UXS1: variants seen among roughly 807,000 people sequenced by gnomAD.
The protein encoded by UXS1 is UDP-glucuronic acid decarboxylase 1.
A neutral mutation model predicts 62.6 loss-of-function variants in UXS1; 33 were observed. The ratio of observed to expected loss-of-function variants is 0.53; its 90% confidence interval spans 0.40 to 0.70. UXS1 has a LOEUF of 0.70. Among genes scored for constraint, UXS1 ranks in the 30% least tolerant of loss-of-function variants. The pLI, the probability that UXS1 is intolerant of heterozygous loss-of-function variation, is 0.00. For missense variants in UXS1, 434 were observed against 556.3 expected, an observed-to-expected ratio of 0.78 and a Z score of 2.21; for synonymous variants, 213 against 206.8, an observed-to-expected ratio of 1.03 and a Z score of -0.26.
At chr2:106,105,613 T>G (rs999829381) in intron 10 of UXS1, among the ~76,000 whole-genome samples, 15 of 152,134 alleles carry the variant, frequency 9.9e-5, no homozygotes, top group African/African-American at 3.4e-4. Flanking sequence ...TGCCCCCAAC[T>G]GTGAACTCCC....
chr2:106,163,155 C>T (rs754082679), intron 4 of UXS1, among the ~76,000 whole-genome samples: 46 of 152,242 alleles, frequency 3.0e-4, no homozygotes, highest in Non-Finnish European at 5.4e-4. Flanking sequence ...GGGTTCTCTC[C>T]GAAATCTGAC....
chr2:106,126,058 T>C (rs1009243771), intron 7 of UXS1, among the ~76,000 whole-genome samples: 26 of 152,172 alleles, frequency 1.7e-4, no homozygotes, highest in Admixed American at 1.5e-3. Flanking sequence ...ACTTCCACAA[T>C]GGTCAGCTTG....
chr2:106,154,198 T>C (rs1481654377), intron 5 of UXS1, among the ~76,000 whole-genome samples: 1 of 152,128 alleles, frequency 6.6e-6, no homozygotes, highest in Non-Finnish European at 1.5e-5. Flanking sequence ...TATAAATGTA[T>C]ATATTCAAGA....
chr2:106,146,034 T>C (rs538368179), intron 5 of UXS1, among the ~76,000 whole-genome samples: 1 of 152,300 alleles, frequency 6.6e-6, no homozygotes, highest in South Asian at 2.1e-4. Context: ...GTCTTGACGG[T>C]AACTCAGTAA....
At chr2:106,141,119 G>A (rs1681062041) in intron 6 of UXS1, among the ~76,000 whole-genome samples, 2 of 152,176 alleles carry the variant, frequency 1.3e-5, no homozygotes, top group African/African-American at 2.4e-5. Context: ...ATAAGAAGAC[G>A]ACTTGCTAAC....
chr2:106,118,301 TA>T (rs1679228347), intron 9 of UXS1, among the ~76,000 whole-genome samples: 1 of 151,886 alleles, frequency 6.6e-6, no homozygotes. Context: ...TGCCAGGAAC[TA>T]AAACAAAACC....
intron 8 of UXS1, among the ~76,000 whole-genome samples, chr2:106,124,807 T>C (rs1679794255): frequency 6.6e-6 from 1 of 152,182 alleles, no homozygotes. Flanking sequence ...ACAAAGAATA[T>C]CACTGCATTT....
At chr2:106,170,941 G>C (rs1033353391) in intron 1 of UXS1, among the ~76,000 whole-genome samples, 1 of 152,176 alleles carries the variant, frequency 6.6e-6, no homozygotes, top group Non-Finnish European at 1.5e-5. Flanking sequence ...TATTTGAACT[G>C]AATTAAACCC....
intron 1 of UXS1, among the ~76,000 whole-genome samples, chr2:106,174,552 A>G (rs1456232103): frequency 1.3e-5 from 2 of 152,222 alleles, no homozygotes; most frequent in African/African-American, 4.8e-5. Context: ...AAGATGTCTC[A>G]CAGGCAAATA....
intron 1 of UXS1, among the ~76,000 whole-genome samples, chr2:106,166,686 AGTGCAG>A (rs199595572): frequency 0.045 from 6,286 of 140,268 alleles, 160 homozygotes; most frequent in South Asian, 0.07. Flanking sequence ...AGAGTTGGAC[AGTGCAG>A]GTGAAGCTTT....
intron 1 of UXS1, among the ~76,000 whole-genome samples, chr2:106,187,865 T>A (rs771293519): frequency 1.3e-5 from 2 of 151,848 alleles, no homozygotes; most frequent in Non-Finnish European, 2.9e-5. Context: ...CTCAGCCTCC[T>A]GAGTTGCTGG....
At chr2:106,136,929 GA>G (rs796326130) in intron 6 of UXS1, among the ~76,000 whole-genome samples, 716 of 54,130 alleles carry the variant, frequency 0.013, 6 homozygotes, top group African/African-American at 0.042. Context: ...AATAAAAAAA[GA>G]AAAAAAAAAA....
At chr2:106,164,644 A>G (rs1683102295) in intron 3 of UXS1, 92 bp downstream of exon 3, 2 of 1,004,740 alleles carry the variant, frequency 2.0e-6, no homozygotes, top group Admixed American at 2.9e-5. Context: ...AACAGCATCA[A>G]GCTGCCACAA....
intron 10 of UXS1, among the ~76,000 whole-genome samples, chr2:106,110,470 T>C (rs747237391): frequency 1.3e-5 from 2 of 152,140 alleles, no homozygotes; most frequent in Non-Finnish European, 2.9e-5. Flanking sequence ...TCTCACAGCA[T>C]GAAGGAGTTT....
chr2:106,131,100 C>T (rs1161045972), intron 6 of UXS1, among the ~76,000 whole-genome samples: 1 of 148,632 alleles, frequency 6.7e-6, no homozygotes, highest in African/African-American at 2.5e-5. Flanking sequence ...CTGGGAAGCG[C>T]AAGGGGTCAG....
chr2:106,119,861 GTTTGT>G (rs892275847), intron 9 of UXS1, among the ~76,000 whole-genome samples: 2 of 152,118 alleles, frequency 1.3e-5, no homozygotes, highest in African/African-American at 2.4e-5. Context: ...ATATAGTGGT[GTTTGT>G]TTTATTTTAT....
intron 6 of UXS1, among the ~76,000 whole-genome samples, chr2:106,143,462 T>C (rs1313040434): frequency 7.6e-6 from 1 of 132,356 alleles, no homozygotes. Context: ...CAGCACTTAG[T>C]GAAATGAGGG....
chr2:106,165,648 G>A lies in UXS1; in HGVS notation c.122+408C>T, dbSNP rs1431543080. On this transcript the variant is annotated intron_variant, in intron 2 of 14. Coordinates refer to ENST00000283148, the MANE Select transcript of UXS1 (RefSeq NM_001253875.2). ...GGACTAAATAGGTGGTCTCTGCATC[G>A]ATACCCACTAGCTGGCCCCCTGAGG... Among the ~76,000 whole-genome samples the A allele has an allele frequency of 4.6e-5, 7 of 152,050 alleles. No homozygotes were observed. The South Asian group carries it at 1.5e-3, about 32-fold the overall frequency.
intron 1 of UXS1, among the ~76,000 whole-genome samples, chr2:106,173,185 G>C (rs1683670436): frequency 6.6e-6 from 1 of 152,180 alleles, no homozygotes; most frequent in African/African-American, 2.4e-5. Context: ...GACGAACATA[G>C]TATGTGCTCC....
Sources: allele counts gnomAD v4.1 joint callset (sites outside exome capture counted in the v4.1 genomes callset), GRCh38; gene constraint gnomAD v4.1.1; transcripts MANE v1.5; gene names NCBI Gene and HGNC (gene_info 2026-07-23, HGNC 2026-07-21).